The following USH2A variants were observed in gnomAD, a reference collection of about 807,000 sequenced individuals.
USH2A encodes usherin.
A neutral mutation model predicts 538.9 loss-of-function variants in USH2A; 443 were observed. The observed-to-expected ratio is 0.82, with a 90% CI of 0.76 to 0.89. USH2A has a LOEUF of 0.89. USH2A is among the 40% of genes least tolerant of loss of function. The pLI is 0.00. For missense variants in USH2A, 6,633 were observed against 6,324.8 expected, an observed-to-expected ratio of 1.05 and a Z score of -1.65; for synonymous variants, 2,413 against 2,273.5, an observed-to-expected ratio of 1.06 and a Z score of -1.75.
chr1:215,966,210 C>A (rs574371653), intron 36 of USH2A, among the ~76,000 whole-genome samples: 1 of 151,932 alleles, frequency 6.6e-6, no homozygotes, highest in African/African-American at 2.4e-5. Context: ...CTAGCTGTAC[C>A]GGGGTCAGGA....
At chr1:215,828,958 C>T (rs1304515922) in intron 47 of USH2A, among the ~76,000 whole-genome samples, 1 of 152,092 alleles carries the variant, frequency 6.6e-6, no homozygotes, top group Non-Finnish European at 1.5e-5. Flanking sequence ...TTATCTTCAT[C>T]CAGGTCAGTC....
intron 16 of USH2A, 99 bp from the exon 17 acceptor site, chr1:216,200,220 CTA>C: frequency 8.3e-7 from 1 of 1,202,502 alleles, no homozygotes; most frequent in Middle Eastern, 2.6e-4. Flanking sequence ...ATTACATAAA[CTA>C]TACCAATCTA....
chr1:216,055,491 T>A (rs2030946368), intron 30 of USH2A, among the ~76,000 whole-genome samples: 1 of 152,190 alleles, frequency 6.6e-6, no homozygotes, highest in Non-Finnish European at 1.5e-5. Flanking sequence ...ACCAACCCAG[T>A]GGATGGATTA....
chr1:216,054,932 C>G (rs1052167172), intron 30 of USH2A, among the ~76,000 whole-genome samples: 12 of 152,178 alleles, frequency 7.9e-5, no homozygotes, highest in Admixed American at 7.2e-4. Context: ...AATCTGCATG[C>G]AGCAACTGTC....
intron 44 of USH2A, among the ~76,000 whole-genome samples, chr1:215,860,584 C>T (rs1002235660): frequency 6.6e-6 from 1 of 152,170 alleles, no homozygotes; most frequent in African/African-American, 2.4e-5. Flanking sequence ...TTTATTGGAA[C>T]ATGGCCATGC....
chr1:216,334,374 A>G (rs1273388000), intron 4 of USH2A, among the ~76,000 whole-genome samples: 1 of 152,018 alleles, frequency 6.6e-6, no homozygotes, highest in Non-Finnish European at 1.5e-5. Context: ...ACTAGAAGAT[A>G]ACTTTTTAAC....
chr1:215,682,815 A>C (rs889367784), intron 61 of USH2A, among the ~76,000 whole-genome samples: 15 of 151,754 alleles, frequency 9.9e-5, no homozygotes, highest in African/African-American at 3.4e-4. Context: ...CTGTATCATG[A>C]AATTATACTG....
At chr1:216,145,803 C>T (rs1190773568) in intron 21 of USH2A, among the ~76,000 whole-genome samples, 2 of 152,142 alleles carry the variant, frequency 1.3e-5, no homozygotes, top group Non-Finnish European at 2.9e-5. Context: ...AAGTCCTTCT[C>T]CTGGCTCATC....
intron 32 of USH2A, among the ~76,000 whole-genome samples, chr1:216,023,596 A>G (rs961742077): frequency 2.0e-5 from 3 of 151,860 alleles, no homozygotes; most frequent in Admixed American, 6.6e-5. Flanking sequence ...ACCATATTTT[A>G]TAAAAATTAG....
chr1:216,106,659 T>C (rs573570220), intron 21 of USH2A, among the ~76,000 whole-genome samples: 40 of 151,780 alleles, frequency 2.6e-4, no homozygotes, highest in African/African-American at 8.2e-4. Flanking sequence ...TTCCATTTCA[T>C]TGATATCCAA....
chr1:215,743,404 G>GTATATATA lies in USH2A; in HGVS notation c.11390-70_11390-69insTATATATA, dbSNP rs1351111900. 4.9e-4 allele frequency: 228 copies of GTATATATA among 464,878 alleles called. 10 individuals carry two copies. In the African/African-American group the frequency reaches 5.1e-3, roughly 10 times the overall value. The allele number at this position is 464,878 out of a possible 1,614,324, so 28.8% of individuals were successfully genotyped here. A position where few individuals can be genotyped will look rare whatever the true frequency, so the allele number is the denominator to read the frequency against. On this transcript the variant is annotated intron_variant, in intron 58 of 71. Coordinates refer to ENST00000307340, the MANE Select transcript of USH2A (RefSeq NM_206933.4). ...TATATATATGTGTGTGTGTGTGTGT[G>GTATATATA]TGTGTGTGTGTGTATATATATATAG...
At chr1:216,139,928 C>T (rs2033569110) in intron 21 of USH2A, among the ~76,000 whole-genome samples, 1 of 152,084 alleles carries the variant, frequency 6.6e-6, no homozygotes. Context: ...GGAGCAAATT[C>T]AGCATGAAAA....
chr1:216,084,965 A>C (rs2032081655), intron 24 of USH2A, 88 bp from the exon 25 acceptor site: 1 of 1,331,482 alleles, frequency 7.5e-7, no homozygotes. Flanking sequence ...AGTCAAAGAA[A>C]TAGGCACTAG....
intron 38 of USH2A, among the ~76,000 whole-genome samples, chr1:215,918,789 G>C (rs1015847551): frequency 3.3e-5 from 5 of 151,984 alleles, no homozygotes; most frequent in Non-Finnish European, 5.9e-5. Context: ...TTTTACCACA[G>C]CAATGATCAA....
At chr1:215,973,222 G>C (rs1405669399) in intron 35 of USH2A, among the ~76,000 whole-genome samples, 1 of 152,114 alleles carries the variant, frequency 6.6e-6, no homozygotes, top group Non-Finnish European at 1.5e-5. Context: ...TTGGGGAACA[G>C]AGAATGTCTT....
At chr1:216,235,870 C>T (rs750774251) in intron 13 of USH2A, among the ~76,000 whole-genome samples, 3 of 152,140 alleles carry the variant, frequency 2.0e-5, no homozygotes, top group Non-Finnish European at 2.9e-5. Context: ...ATAATAGTTA[C>T]ACAAGAGCCT....
intron 43 of USH2A, among the ~76,000 whole-genome samples, chr1:215,877,018 G>A (rs1013817144): frequency 1.3e-5 from 2 of 152,114 alleles, no homozygotes; most frequent in African/African-American, 2.4e-5. Context: ...ATAAAATAAC[G>A]TTCATGTTTT....
intron 70 of USH2A, 23 bp downstream of exon 70, chr1:215,634,436 G>A: frequency 2.5e-6 from 4 of 1,614,124 alleles, no homozygotes; most frequent in Non-Finnish European, 2.5e-6. Context: ...TAGGGAAATG[G>A]GGCCACACCT....
At chr1:215,915,750 C>A (rs61828483) in intron 38 of USH2A, among the ~76,000 whole-genome samples, 24,392 of 151,288 alleles carry the variant, frequency 0.16, 2,098 homozygotes, top group African/African-American at 0.2. Context: ...ATGTTTATTG[C>A]GGCACTATTC....
Sources: allele counts gnomAD v4.1 joint callset (sites outside exome capture counted in the v4.1 genomes callset), GRCh38; gene constraint gnomAD v4.1.1; transcripts MANE v1.5; gene names NCBI Gene and HGNC (gene_info 2026-07-23, HGNC 2026-07-21).